The following SLC1A6 variants were observed in gnomAD, a reference collection of about 807,000 sequenced individuals.
SLC1A6 encodes excitatory amino acid transporter 4.
In SLC1A6, 15 loss-of-function variants were observed where a neutral mutation model predicts 42.1. The observed-to-expected ratio is 0.36, with a 90% CI of 0.24 to 0.55. The LOEUF is 0.55. Ranked by LOEUF, SLC1A6 falls within the 20% of genes least tolerant of loss-of-function variation. The pLI is 0.88. For synonymous variants in SLC1A6, 317 were observed against 319.7 expected (o/e 0.99, Z 0.09); for missense variants, 542 against 772.5 (o/e 0.70, Z 3.54).
At chr19:14,973,044 T>A (rs1600012773) in intron 1 of SLC1A6, 127 bp from the exon 2 acceptor site, 1 of 713,624 alleles carries the variant, frequency 1.4e-6, no homozygotes, top group Admixed American at 3.0e-5. Context: ...GGTGGCTGGG[T>A]GTTTTGGCTC....
chr19:14,972,640 G>T (rs776192359), intron 2 of SLC1A6, 66 bp downstream of exon 2: 1 of 1,372,994 alleles, frequency 7.3e-7, no homozygotes, highest in Admixed American at 1.7e-5. Context: ...ATGTGTAGAG[G>T]CCAGGAATTT....
intron 1 of SLC1A6, among the ~76,000 whole-genome samples, chr19:14,975,861 G>GGACA (rs1568294644): frequency 6.0e-4 from 54 of 90,120 alleles, no homozygotes; most frequent in Middle Eastern, 0.01. Context: ...GAAGGGAAGG[G>GGACA]AAGGGAAGGA....
rs1049481669 is a variant in SLC1A6, at chr19:15,004,017, G to T, written c.6+6468C>A. Among the ~76,000 whole-genome samples, 2 of 151,942 alleles carry T rather than the reference G, an allele frequency of 1.3e-5. 1 individual carries two copies. Among genetic ancestry groups the T allele is most frequent in the African/African-American group, 4.8e-5 (2 of 41,298 alleles). ...TTAAAATACAAAAAATTAGCTGGGC[G>T]TGGTGGTGGGCCCCTGTAGTCCCAG... On this transcript the variant is annotated intron_variant, in intron 1 of 8. Transcript: ENST00000430939.
At chr19:14,989,143 A>G (rs978275374) in intron 1 of SLC1A6, among the ~76,000 whole-genome samples, 1 of 152,182 alleles carries the variant, frequency 6.6e-6, no homozygotes, top group Non-Finnish European at 1.5e-5. Context: ...CTGAGGGATG[A>G]GACACTACCT....
chr19:14,969,306 T>A (rs2045611140), intron 3 of SLC1A6, among the ~76,000 whole-genome samples: 1 of 152,124 alleles, frequency 6.6e-6, no homozygotes, highest in Admixed American at 6.5e-5. Context: ...GAGCACTGAG[T>A]ACAATAGCTC....
chr19:14,968,389 A>T lies in SLC1A6; in HGVS notation c.462T>A (p.His154Gln). Residue 154 changes from histidine (H) to glutamine (Q), a missense_variant, in exon 4 of 10, where the codon CAT becomes CAA. His to Gln is a conservative substitution (Grantham distance 24). This residue lies in a region of SLC1A6 where 298 missense variants were observed against 419.4 expected (regional missense o/e 0.71). Coordinates refer to ENST00000594383, the MANE Select transcript of SLC1A6 (RefSeq NM_005071.3). ...GCCCCTCCTTGGAGCCCTTCCCGGG[A>T]TGGATGATGGTGACCATGAGGATGC... ...FIGILMVTIIHPGKGSKEGLH... is the reference protein window; with the variant it reads ...FIGILMVTIIQPGKGSKEGLH... 1 of 1,613,588 alleles carries T rather than the reference A, an allele frequency of 6.2e-7. No homozygotes were observed. Among genetic ancestry groups the T allele is most frequent in the Non-Finnish European group, 8.5e-7 (1 of 1,179,888 alleles).
chr19:14,998,659 A>G (rs970164355), intron 1 of SLC1A6, among the ~76,000 whole-genome samples: 16 of 152,182 alleles, frequency 1.1e-4, no homozygotes, highest in Admixed American at 3.9e-4. Flanking sequence ...CACATGACAG[A>G]TAGCAGGTCC....
chr19:14,954,063 C>T, intron 8 of SLC1A6, 72 bp downstream of exon 8: 2 of 1,307,818 alleles, frequency 1.5e-6, no homozygotes, highest in Non-Finnish European at 2.1e-6. Flanking sequence ...CTCCTCCCTC[C>T]CCAACCCTCC....
At chr19:14,981,792 A>G (rs1306979018), upstream of SLC1A6, among the ~76,000 whole-genome samples, 1 of 152,226 alleles carries the variant, frequency 6.6e-6, no homozygotes, top group Non-Finnish European at 1.5e-5. Flanking sequence ...CATGAGAAAA[A>G]CATCAGACTA....
In SLC1A6 at chr19:14,950,372, C is replaced by A; in HGVS notation, c.1518G>T (p.Met506Ile). The change falls in exon 10 of 10, where the codon ATG becomes ATT. Residue 506 changes from methionine (M) to isoleucine (I), a missense_variant. Physicochemically the swap from Met to Ile is conservative, Grantham distance 10. Around this residue, in one of 6 missense-constraint regions of SLC1A6, gnomAD observed 73 missense variants for 85.2 expected, o/e 0.86. Coordinates refer to ENST00000594383, the MANE Select transcript of SLC1A6 (RefSeq NM_005071.3). ...VDWFLDRLRT[M>I]TNVLGDSIGA... ...CAATTGAGTCCCCCAGTACGTTGGT[C>A]ATTGTGCGAAGCCGGTCACTGGTAC... 1 of 1,590,746 alleles carries A rather than the reference C, an allele frequency of 6.3e-7. No homozygotes were observed. The highest frequency in any genetic ancestry group is 1.1e-5 in the South Asian group (1 of 88,242).
upstream of SLC1A6, among the ~76,000 whole-genome samples, chr19:14,983,170 G>A (rs993173888): frequency 3.3e-5 from 5 of 152,302 alleles, no homozygotes; most frequent in Non-Finnish European, 5.9e-5. Flanking sequence ...GCTGCACGGC[G>A]TGAACATTTG....
chr19:15,004,163 A>G (rs959989905), intron 1 of SLC1A6, among the ~76,000 whole-genome samples: 2 of 152,202 alleles, frequency 1.3e-5, no homozygotes, highest in East Asian at 3.8e-4. Flanking sequence ...CTCTAAAAAA[A>G]TTAATAATGC....
chr19:14,954,735 G>A (rs1033659321), intron 7 of SLC1A6, among the ~76,000 whole-genome samples: 2 of 152,152 alleles, frequency 1.3e-5, no homozygotes, highest in African/African-American at 4.8e-5. Flanking sequence ...TAACATTTCA[G>A]AGGCTGATAA....
chr19:14,969,628 A>G (rs908597516), intron 3 of SLC1A6, among the ~76,000 whole-genome samples: 1 of 152,192 alleles, frequency 6.6e-6, no homozygotes, highest in African/African-American at 2.4e-5. Context: ...CTATCCCGCA[A>G]TAAATCACCT....
At chr19:14,994,811 A>T (rs1426154893) in intron 1 of SLC1A6, among the ~76,000 whole-genome samples, 1 of 152,168 alleles carries the variant, frequency 6.6e-6, no homozygotes, top group Non-Finnish European at 1.5e-5. Context: ...CTTGATATGT[A>T]TTTAGAAGAG....
chr19:14,968,494 C>A lies in SLC1A6; in HGVS notation c.357G>T (p.Leu119=). ...CCATCCGCCCCGTGGCCTTGTTGTC[C>A]AGGGATGCCATACCTGAAGGACAGA... The part of the protein sequence containing the change: ...VSSLVTGMAS[L]DNKATGRMGM... The change falls in exon 4 of 10, where the codon CTG becomes CTT. Residue 119 remains leucine, a synonymous_variant. Coordinates refer to ENST00000594383, the MANE Select transcript of SLC1A6 (RefSeq NM_005071.3). 1 of 1,610,072 alleles carries A rather than the reference C, an allele frequency of 6.2e-7. No individual in the cohort carries two copies. The highest frequency in any genetic ancestry group is 8.5e-7 in the Non-Finnish European group (1 of 1,177,834).
chr19:14,964,841 G>T (rs971793475), intron 4 of SLC1A6, among the ~76,000 whole-genome samples: 2 of 152,034 alleles, frequency 1.3e-5, no homozygotes, highest in Non-Finnish European at 2.9e-5. Context: ...CAAAAATCTT[G>T]CTGCTTTAAT....
upstream of SLC1A6, among the ~76,000 whole-genome samples, chr19:14,983,813 C>T (rs1390421714): frequency 2.7e-5 from 4 of 149,042 alleles, 1 homozygote; most frequent in Admixed American, 2.7e-4. Flanking sequence ...TATGCTCAGA[C>T]ATAACTTCTA....
upstream of SLC1A6, among the ~76,000 whole-genome samples, chr19:14,983,252 T>A (rs1267105683): frequency 6.6e-6 from 1 of 152,222 alleles, no homozygotes; most frequent in African/African-American, 2.4e-5. Context: ...ATCCTATTTG[T>A]GGCCTGTTTA....
Sources: gnomAD v4.1 joint callset for allele counts (sites outside exome capture counted in the v4.1 genomes callset) on GRCh38, gnomAD v4.1.1 for gene constraint, gnomAD v4.1.1 regional missense constraint, MANE v1.5 for transcripts, NCBI Gene and HGNC (gene_info 2026-07-23, HGNC 2026-07-21) for gene names.